PCDHGA2: variants seen among roughly 807,000 people sequenced by gnomAD.
PCDHGA2 encodes protocadherin gamma subfamily A, 2, also known as protocadherin gamma-A2.
A neutral mutation model predicts 59.2 loss-of-function variants in PCDHGA2; 40 were observed. That is an observed-to-expected ratio of 0.68 (90% CI 0.52 to 0.88). The LOEUF (loss-of-function observed/expected upper bound fraction) is 0.88, where lower values mean the gene tolerates loss of function less well. Among genes scored for constraint, PCDHGA2 ranks in the 40% least tolerant of loss-of-function variants. PCDHGA2 has a pLI of 0.00. For missense variants in PCDHGA2, 1,226 were observed against 1,204.0 expected (o/e 1.02, Z -0.27); for synonymous variants, 560 against 526.0 (o/e 1.06, Z -0.89).
rs375127524 is a variant in PCDHGA2, at chr5:141,490,702, C to G, written c.2425-4105C>G. ...AGATCCAGACACTGGGGATAATGCCCGCCTCACCTACTCCATTGTAGGAAA... is the reference window on the plus strand; with the variant it reads ...AGATCCAGACACTGGGGATAATGCCGGCCTCACCTACTCCATTGTAGGAAA... On this transcript the variant is annotated intron_variant, in intron 1 of 3. Coordinates refer to ENST00000394576, the MANE Select transcript of PCDHGA2 (RefSeq NM_018915.4). This position sits in a 1 kb window ranked among gnomAD's most constrained non-coding sequence, Gnocchi z 5.4. The G allele has an allele frequency of 1.2e-6, 2 of 1,614,060 alleles. No homozygotes were observed. Among genetic ancestry groups the G allele is most frequent in the Admixed American group, 1.7e-5 (1 of 60,008 alleles).
chr5:141,430,365 G>GA lies in PCDHGA2; in HGVS notation c.2425-64434dup, dbSNP rs202146484. Among the ~76,000 whole-genome samples, 583 of 147,736 alleles carry GA rather than the reference G, an allele frequency of 3.9e-3. 6 individuals are homozygous for GA. The highest frequency in any genetic ancestry group is 0.011 in the Admixed American group (169 of 14,894). On this transcript the variant is annotated intron_variant, in intron 1 of 3. Coordinates refer to ENST00000394576, the MANE Select transcript of PCDHGA2 (RefSeq NM_018915.4). ...CCAATTCATTTAAAAGCTCATTGGG[G>GA]AAAAAAAAGCTCATTGGGAAAAAAA...
At chr5:141,345,453 G>T in intron 1 of PCDHGA2, 1 of 1,614,096 alleles carries the variant, frequency 6.2e-7, no homozygotes, top group Non-Finnish European at 8.5e-7. Flanking sequence ...CATCTTCTCA[G>T]TGACAGCCCA....
intron 1 of PCDHGA2, chr5:141,375,976 C>T: frequency 6.2e-7 from 1 of 1,613,390 alleles, no homozygotes; most frequent in South Asian, 1.1e-5. Context: ...CGGCGCGCGC[C>T]CTGCTGGACA....
In PCDHGA2 at chr5:141,486,858, C is replaced by T. The variant is rs2099636039; in HGVS notation, c.2425-7949C>T. The T allele has an allele frequency of 2.5e-6, 4 of 1,614,246 alleles. No homozygotes were observed. The highest frequency in any genetic ancestry group is 1.1e-5 in the South Asian group (1 of 91,088). On this transcript the variant is annotated intron_variant, in intron 1 of 3. Transcript: ENST00000394576. The surrounding 1 kb of genome is among the most constrained non-coding windows in gnomAD (Gnocchi z 5.0). ...TTTGTGCTGGACCTCAATGACAATGCTCCAGCTGTGCTCCGTCCTCGGGCC... is the reference window on the plus strand; with the variant it reads ...TTTGTGCTGGACCTCAATGACAATGTTCCAGCTGTGCTCCGTCCTCGGGCC...
In PCDHGA2 at chr5:141,505,323, G is replaced by T. The variant is rs996747379; in HGVS notation, c.2484-70G>T. 12 of 1,606,640 alleles carry T rather than the reference G, an allele frequency of 7.5e-6. No homozygotes were observed. In the African/African-American group the frequency reaches 1.5e-4, roughly 20 times the overall value. On this transcript the variant is annotated intron_variant, in intron 2 of 3. Transcript: ENST00000394576. Reference sequence around the variant, plus strand: ...TAGGGTACTAGGTTTGGGAGCCCTGGGAGAGGACAGGAGGGGCATGAGCTG... The same window carrying T: ...TAGGGTACTAGGTTTGGGAGCCCTGTGAGAGGACAGGAGGGGCATGAGCTG...
chr5:141,430,756 A>G (rs747363475), intron 1 of PCDHGA2: 1 of 1,503,228 alleles, frequency 6.7e-7, no homozygotes, highest in Non-Finnish European at 8.9e-7. Flanking sequence ...GGAGGAAGAT[A>G]AGAATGATTC....
At chr5:141,510,917 C>G in intron 3 of PCDHGA2, 30 bp from the exon 4 acceptor site, 1 of 1,613,854 alleles carries the variant, frequency 6.2e-7, no homozygotes, top group Non-Finnish European at 8.5e-7. Flanking sequence ...CTAAGTTTAG[C>G]TCCCACCTGA....
At chr5:141,470,132 A>G (rs1411735203) in intron 1 of PCDHGA2, among the ~76,000 whole-genome samples, 1 of 151,586 alleles carries the variant, frequency 6.6e-6, no homozygotes, top group East Asian at 1.9e-4. Context: ...TCGTCTCAAA[A>G]AAAAAGATCA....
chr5:141,370,314 T>A, intron 1 of PCDHGA2: 4 of 1,280,798 alleles, frequency 3.1e-6, no homozygotes, highest in Non-Finnish European at 4.3e-6. Context: ...AGCAAATAGT[T>A]GGTCCTGCTC....
At chr5:141,351,943 C>A (rs548781270) in intron 1 of PCDHGA2, 5 of 1,613,168 alleles carry the variant, frequency 3.1e-6, no homozygotes, top group Non-Finnish European at 1.7e-6. Context: ...TGCTGTACCC[C>A]GCGCTGGGGC....
rs371995922 is a variant in PCDHGA2 at position 141,395,132 on chromosome 5, C to T, written c.2424+53737C>T. ...AGAGTCACCTGATCTTTCCCCAGCC[C>T]AACTACGCAGACATGCTCATCAGTC... On this transcript the variant is annotated intron_variant, in intron 1 of 3. Transcript: ENST00000394576. 8.7e-6 allele frequency: 14 copies of T among 1,614,068 alleles called. No homozygotes were observed. The African/African-American group carries it at 1.6e-4, about 18-fold the overall frequency.
rs1393354931 is a variant in PCDHGA2, at chr5:141,339,159, G to C, written c.188G>C (p.Gly63Ala). 3 of 1,614,182 alleles carry C rather than the reference G, an allele frequency of 1.9e-6. No individual in the cohort carries two copies. The highest frequency in any genetic ancestry group is 1.7e-6 in the Non-Finnish European group (2 of 1,179,992). Reference protein sequence around the residue: ...GLEPLALAEQGVRIVSRGRSQ... With the variant: ...GLEPLALAEQAVRIVSRGRSQ... ...GAGCCCCTGGCACTGGCAGAGCAGG[G>C]AGTCCGCATCGTCTCCAGAGGTAGG... is the stretch of plus-strand genomic sequence containing the variant. Residue 63 changes from glycine to alanine, a missense_variant, in exon 1 of 4, where the codon GGA becomes GCA. Gly to Ala is a moderately conservative substitution (Grantham distance 60). Transcript: ENST00000394576.
intron 2 of PCDHGA2, among the ~76,000 whole-genome samples, chr5:141,501,700 C>T (rs936448354): frequency 6.6e-6 from 1 of 151,950 alleles, no homozygotes; most frequent in African/African-American, 2.4e-5. Flanking sequence ...AGGGTGATTC[C>T]GAGGATAAAA....
In PCDHGA2 at chr5:141,432,704, C is replaced by T; in HGVS notation, c.2425-62103C>T. ...GAGCCTCGTAGTGGCCGTCCAGGAC[C>T]ACGGCCAGCCCCCTCTCTCCGCCAC... is the stretch of plus-strand genomic sequence containing the variant. On this transcript the variant is annotated intron_variant, in intron 1 of 3. Coordinates refer to ENST00000394576, the MANE Select transcript of PCDHGA2 (RefSeq NM_018915.4). The surrounding 1 kb of genome is among the most constrained non-coding windows in gnomAD (Gnocchi z 6.0). The T allele has an allele frequency of 6.2e-7, 1 of 1,613,966 alleles. No homozygotes were observed. The highest frequency in any genetic ancestry group is 8.5e-7 in the Non-Finnish European group (1 of 1,179,976).
At chr5:141,362,060 T>C (rs764020676) in intron 1 of PCDHGA2, 9 of 1,612,216 alleles carry the variant, frequency 5.6e-6, no homozygotes, top group Non-Finnish European at 7.6e-6. Flanking sequence ...CGCCAGCGCC[T>C]GCTGGTCGCT....
At chr5:141,418,147 C>T (rs781655205) in intron 1 of PCDHGA2, 3 of 1,614,040 alleles carry the variant, frequency 1.9e-6, no homozygotes, top group Admixed American at 3.3e-5. Flanking sequence ...AGCAAATATG[C>T]AAAGAGAGAA....
At chr5:141,360,619 G>T in intron 1 of PCDHGA2, 1 of 1,614,012 alleles carries the variant, frequency 6.2e-7, no homozygotes, top group East Asian at 2.2e-5. Context: ...GGATTCAGAT[G>T]TTGGTCCTAA....
chr5:141,421,799 A>G (rs778353620), intron 1 of PCDHGA2: 1 of 1,613,860 alleles, frequency 6.2e-7, no homozygotes, highest in South Asian at 1.1e-5. Flanking sequence ...GATGGGGCCA[A>G]GAATCCAGAG....
intron 1 of PCDHGA2, chr5:141,400,265 G>T (rs2093992954): frequency 6.2e-7 from 1 of 1,613,876 alleles, no homozygotes. Context: ...CGCCTGCGAC[G>T]CTCCTCCAGC....
Sources: gnomAD v4.1 joint callset for allele counts (sites outside exome capture counted in the v4.1 genomes callset) on GRCh38, gnomAD v4.1.1 for gene constraint, Gnocchi (gnomAD v3.1) non-coding constraint, MANE v1.5 for transcripts, NCBI Gene and HGNC (gene_info 2026-07-23, HGNC 2026-07-21) for gene names.